Variants in ADAMTS6 observed in about 807,000 individuals in gnomAD.
The protein encoded by ADAMTS6 is A disintegrin and metalloproteinase with thrombospondin motifs 6.
In ADAMTS6, 23 loss-of-function variants were observed where a neutral mutation model predicts 144.3. The ratio of observed to expected loss-of-function variants is 0.16; its 90% CI spans 0.11 to 0.23. The LOEUF is 0.23. ADAMTS6 is among the 10% of genes least tolerant of loss of function. The pLI is 1.00. For missense variants in ADAMTS6, 999 were observed against 1,379.6 expected (o/e 0.72, Z 4.37); for synonymous variants, 444 against 457.5 (o/e 0.97, Z 0.38).
At chr5:65,354,262 G>A (rs1313359906) in intron 7 of ADAMTS6, among the ~76,000 whole-genome samples, 5 of 151,732 alleles carry the variant, frequency 3.3e-5, no homozygotes, top group Non-Finnish European at 7.4e-5. Flanking sequence ...TACTGCTTCT[G>A]TGTCTTCCAT....
At chr5:65,269,846 C>T (rs1030043720) in intron 12 of ADAMTS6, among the ~76,000 whole-genome samples, 9 of 143,730 alleles carry the variant, frequency 6.3e-5, no homozygotes, top group African/African-American at 2.4e-4. Flanking sequence ...GGCTGGAGGG[C>T]AATGGCGTGC....
chr5:65,404,696 TC>T (rs1378148037), intron 7 of ADAMTS6, among the ~76,000 whole-genome samples: 1 of 152,216 alleles, frequency 6.6e-6, no homozygotes, highest in Non-Finnish European at 1.5e-5. Context: ...GTATTTCTAG[TC>T]CTAGATCCTT....
rs1009305563 is a variant in ADAMTS6 at position 65,321,410 on chromosome 5, T to C, written c.1223+7968A>G. Among the ~76,000 whole-genome samples the C allele has an allele frequency of 6.6e-5, 10 of 152,186 alleles. No individual in the cohort carries two copies. In the East Asian group the frequency reaches 1.9e-3, roughly 29 times the overall value. ...GGGATTTTTTTTTCTTGTAAATTTG[T>C]TTAAGTTCCTTATATAGGCTGTATA... On this transcript the variant is annotated intron_variant, in intron 9 of 24. Transcript: ENST00000381055.
At chr5:65,388,983 G>A (rs560248500) in intron 7 of ADAMTS6, among the ~76,000 whole-genome samples, 2 of 152,114 alleles carry the variant, frequency 1.3e-5, no homozygotes, top group Non-Finnish European at 2.9e-5. Flanking sequence ...CGAGGTGGGC[G>A]GATCACGAGG....
intron 11 of ADAMTS6, among the ~76,000 whole-genome samples, chr5:65,286,937 A>G (rs1741726811): frequency 1.3e-5 from 2 of 152,260 alleles, no homozygotes; most frequent in African/African-American, 4.8e-5. Context: ...AAAATGGAAG[A>G]GACAACAGAT....
At chr5:65,340,692 G>A (rs965149070) in intron 7 of ADAMTS6, among the ~76,000 whole-genome samples, 2 of 151,036 alleles carry the variant, frequency 1.3e-5, no homozygotes, top group South Asian at 4.2e-4. Flanking sequence ...AAAAAAAAAG[G>A]ACCCAATATA....
At chr5:65,382,605 C>G (rs1053147806) in intron 7 of ADAMTS6, among the ~76,000 whole-genome samples, 1 of 152,236 alleles carries the variant, frequency 6.6e-6, no homozygotes, top group Non-Finnish European at 1.5e-5. Flanking sequence ...GGGGACCTGG[C>G]ACTTTATTGA....
chr5:65,418,112 A>C (rs765438815), intron 7 of ADAMTS6, among the ~76,000 whole-genome samples: 2 of 152,204 alleles, frequency 1.3e-5, no homozygotes, highest in Admixed American at 1.3e-4. Context: ...GAAAATAAGC[A>C]ATGGGAAAAG....
At chr5:65,207,698 C>T (rs2112286461) in intron 20 of ADAMTS6, among the ~76,000 whole-genome samples, 1 of 152,306 alleles carries the variant, frequency 6.6e-6, no homozygotes, top group South Asian at 2.1e-4. Flanking sequence ...AAATGAAGGT[C>T]TTCTCTGATT....
chr5:65,435,955 A>G (rs1390662343), intron 7 of ADAMTS6, among the ~76,000 whole-genome samples: 1 of 152,102 alleles, frequency 6.6e-6, no homozygotes, highest in Non-Finnish European at 1.5e-5. Context: ...AACAATGAAT[A>G]TTTTTTAAAA....
intron 20 of ADAMTS6, among the ~76,000 whole-genome samples, chr5:65,199,913 C>T (rs1224122040): frequency 2.6e-5 from 4 of 152,098 alleles, no homozygotes; most frequent in Non-Finnish European, 2.9e-5. Flanking sequence ...CTTAGGTGTT[C>T]ATTTTAGCTT....
intron 15 of ADAMTS6, among the ~76,000 whole-genome samples, chr5:65,233,672 AAAG>A: frequency 1.3e-5 from 2 of 152,244 alleles, no homozygotes; most frequent in South Asian, 4.1e-4. Context: ...CATGGATTGG[AAAG>A]ATCAATATTG....
At chr5:65,430,542 C>G (rs1580691765) in intron 7 of ADAMTS6, among the ~76,000 whole-genome samples, 1 of 152,148 alleles carries the variant, frequency 6.6e-6, no homozygotes, top group African/African-American at 2.4e-5. Flanking sequence ...GACCTATAAA[C>G]TTTTTTGCTC....
intron 7 of ADAMTS6, among the ~76,000 whole-genome samples, chr5:65,451,142 CAT>C (rs1271897084): frequency 6.6e-6 from 1 of 152,076 alleles, no homozygotes; most frequent in Non-Finnish European, 1.5e-5. Context: ...TGTATTTTCT[CAT>C]ATGTTTTAAT....
Position 65,419,050 on chromosome 5 carries a change from T to C in ADAMTS6, c.1073+32425A>G, listed in dbSNP as rs1412351569. Among the ~76,000 whole-genome samples the C allele has an allele frequency of 2.0e-5, 3 of 152,158 alleles. No homozygotes were observed. In the East Asian group the frequency reaches 5.8e-4, roughly 29 times the overall value. ...GACCCAGCAATCCCACTTATAGGTA[T>C]ATATCCAAAAGAAAACAAACCTTTC... On this transcript the variant is annotated intron_variant, in intron 7 of 24. Coordinates refer to ENST00000381055, the MANE Select transcript of ADAMTS6 (RefSeq NM_197941.4).
chr5:65,477,089 TAAG>T (rs1210541110), intron 1 of ADAMTS6, among the ~76,000 whole-genome samples: 3 of 152,342 alleles, frequency 2.0e-5, no homozygotes, highest in East Asian at 1.9e-4. Flanking sequence ...ATAACGGCAA[TAAG>T]AAGAATTCCA....
intron 7 of ADAMTS6, among the ~76,000 whole-genome samples, chr5:65,406,031 T>C (rs1754442142): frequency 6.6e-6 from 1 of 152,236 alleles, no homozygotes; most frequent in South Asian, 2.1e-4. Flanking sequence ...GCTTATTAGC[T>C]TAAGGAGATT....
intron 7 of ADAMTS6, among the ~76,000 whole-genome samples, chr5:65,443,647 A>G (rs906205799): frequency 5.1e-5 from 7 of 136,748 alleles, no homozygotes; most frequent in African/African-American, 1.6e-4. Flanking sequence ...AAAAAAAAAA[A>G]AAGTTGGTAT....
At chr5:65,220,928 C>A (rs143899306) in intron 18 of ADAMTS6, among the ~76,000 whole-genome samples, 50 of 152,162 alleles carry the variant, frequency 3.3e-4, no homozygotes, top group African/African-American at 1.2e-3. Context: ...GTTACAGATC[C>A]TACAGATATT....
Sources: allele counts gnomAD v4.1 joint callset (sites outside exome capture counted in the v4.1 genomes callset), GRCh38; gene constraint gnomAD v4.1.1; transcripts MANE v1.5; gene names NCBI Gene and HGNC (gene_info 2026-07-23, HGNC 2026-07-21).